PLA2G6: variants seen among roughly 807,000 people sequenced by gnomAD.
PLA2G6 encodes 85/88 kDa calcium-independent phospholipase A2.
PLA2G6 carries 62 observed loss-of-function variants against 83.8 expected under a neutral mutation model. The observed-to-expected ratio is 0.74, with a 90% CI of 0.60 to 0.91. The LOEUF is 0.91. PLA2G6 is among the 40% of genes least tolerant of loss of function. The pLI, the probability that PLA2G6 is intolerant of heterozygous loss-of-function variation, is 0.00. For missense variants in PLA2G6, 944 were observed against 1,102.0 expected (o/e 0.86, Z 2.03); for synonymous variants, 417 against 449.8 (o/e 0.93, Z 0.92).
chr22:38,123,063 C>T lies in PLA2G6; in HGVS notation c.1591+32G>A, dbSNP rs201314787. 22 of 1,542,922 alleles carry T rather than the reference C, an allele frequency of 1.4e-5. No homozygotes were observed. The highest frequency in any genetic ancestry group is 4.9e-5 in the East Asian group (2 of 40,906). ...CCCTTGAGGACACAGGTCTCAGCCC[C>T]GCCTGGCCCCATCCCCAGGGGCCGC... On this transcript the variant is annotated intron_variant, in intron 11 of 16. Coordinates refer to ENST00000332509, the MANE Select transcript of PLA2G6 (RefSeq NM_003560.4). The surrounding 1 kb of genome is among the most constrained non-coding windows in gnomAD (Gnocchi z 4.1).
At chr22:38,115,789 G>A in intron 13 of PLA2G6, 108 bp from the exon 14 acceptor site, 3 of 1,491,080 alleles carry the variant, frequency 2.0e-6, no homozygotes, top group East Asian at 2.5e-5. Context: ...GCGGGAAGAG[G>A]GGAGGCTGGG....
intron 2 of PLA2G6, among the ~76,000 whole-genome samples, chr22:38,164,246 C>T (rs1602251784): frequency 1.3e-5 from 2 of 152,282 alleles, no homozygotes; most frequent in South Asian, 2.1e-4. Context: ...TCAGCCCAGG[C>T]GGGTGGAGCT....
In PLA2G6 at chr22:38,114,266, C is replaced by T. The variant is rs150039195; in HGVS notation, c.2035-612G>A. Among the ~76,000 whole-genome samples the T allele has an allele frequency of 3.2e-3, 488 of 151,996 alleles. 3 individuals are homozygous for T. The highest frequency in any genetic ancestry group is 0.011 in the African/African-American group (455 of 41,458). Reference sequence around the variant, plus strand: ...CGCGATCTCGGCTCACTGCAAGCTCCGCCTCCTGGGTTCACACCATTCTCC... The same window carrying T: ...CGCGATCTCGGCTCACTGCAAGCTCTGCCTCCTGGGTTCACACCATTCTCC... On this transcript the variant is annotated intron_variant, in intron 14 of 16. Transcript: ENST00000332509.
rs2087676664 is a variant in PLA2G6, at chr22:38,123,904, C to T, written c.1428-646G>A. On this transcript the variant is annotated intron_variant, in intron 10 of 16. Transcript: ENST00000332509. The surrounding 1 kb of genome is among the most constrained non-coding windows in gnomAD (Gnocchi z 4.1). ...AGGCTGGAGTGCAATAACGCGATCT[C>T]GGCTCACCGCAACCTCTGCCTCCCG... Among the ~76,000 whole-genome samples, 2 of 152,120 alleles carry T rather than the reference C, an allele frequency of 1.3e-5. No individual in the cohort carries two copies. The highest frequency in any genetic ancestry group is 4.8e-5 in the African/African-American group (2 of 41,420).
chr22:38,123,143 C>A lies in PLA2G6; in HGVS notation c.1543G>T (p.Val515Leu). The A allele has an allele frequency of 1.3e-6, 2 of 1,550,338 alleles. No individual in the cohort carries two copies. Among genetic ancestry groups the A allele is most frequent in the Non-Finnish European group, 1.7e-6 (2 of 1,147,326 alleles). Residue 515 changes from valine to leucine, a missense_variant, in exon 11 of 17, where the codon GTG (valine) becomes TTG (leucine). By Grantham distance (32) the Val-to-Leu change is conservative. Transcript: ENST00000332509. This position sits in a 1 kb window ranked among gnomAD's most constrained non-coding sequence, Gnocchi z 4.1. ...GVATKDLFDWVAGTSTGGILA... is the reference protein window; with the variant it reads ...GVATKDLFDWLAGTSTGGILA... ...ATGCCTCCAGTGCTGGTGCCCGCCA[C>A]CCAGTCAAACAGGTCCTTGGTGGCC...
intron 2 of PLA2G6, among the ~76,000 whole-genome samples, chr22:38,165,749 G>A (rs1032313067): frequency 2.6e-5 from 4 of 151,992 alleles, no homozygotes; most frequent in East Asian, 1.9e-4. Flanking sequence ...GCGTGGTGGC[G>A]GGCGCCTGTA....
intron 7 of PLA2G6, chr22:38,130,788 G>A (rs576797591): frequency 6.6e-6 from 1 of 151,444 alleles, no homozygotes; most frequent in Non-Finnish European, 1.5e-5. Flanking sequence ...GAACACCTGA[G>A]GTCAGGAGTT....
At chr22:38,129,629 G>T in intron 7 of PLA2G6, 67 bp from the exon 8 acceptor site, 1 of 1,224,468 alleles carries the variant, frequency 8.2e-7, no homozygotes, top group Non-Finnish European at 1.2e-6. Context: ...GGGGCCCCTG[G>T]CTGCCAGCCC....
chr22:38,144,997 CCTT>C (rs2089161638), intron 3 of PLA2G6: 1 of 356,710 alleles, frequency 2.8e-6, no homozygotes, highest in Admixed American at 4.4e-5. Context: ...ATTACATTGT[CCTT>C]CTTACATTTT....
chr22:38,160,440 G>A (rs186384535), intron 2 of PLA2G6, among the ~76,000 whole-genome samples: 1,412 of 116,746 alleles, frequency 0.012, 26 homozygotes, highest in African/African-American at 0.044. Flanking sequence ...AGTAGAATGA[G>A]TAACTGTGAT....
intron 2 of PLA2G6, chr22:38,148,668 G>C (rs2145845127): frequency 1.5e-6 from 1 of 664,498 alleles, no homozygotes; most frequent in East Asian, 2.7e-5. Flanking sequence ...CTTTGGGTTA[G>C]GGTCCTAAAG....
chr22:38,116,236 C>T (rs1346811544), intron 12 of PLA2G6, 25 bp from the exon 13 acceptor site: 11 of 1,613,394 alleles, frequency 6.8e-6, no homozygotes, highest in African/African-American at 4.0e-5. Flanking sequence ...GGCAGGAGGA[C>T]GGCTGAGCCA....
At chr22:38,160,662 C>T (rs929791693) in intron 2 of PLA2G6, among the ~76,000 whole-genome samples, 3 of 152,074 alleles carry the variant, frequency 2.0e-5, no homozygotes, top group Non-Finnish European at 4.4e-5. Flanking sequence ...CTGGCTAACA[C>T]GGTGAAACCT....
chr22:38,147,191 T>C (rs190328432), intron 2 of PLA2G6: 2 of 152,484 alleles, frequency 1.3e-5, no homozygotes, highest in East Asian at 1.9e-4. Flanking sequence ...AACATGAGAC[T>C]AACTGTACCT....
In PLA2G6 at chr22:38,112,562, C is replaced by T. The variant is rs746013568; in HGVS notation, c.2218G>A (p.Gly740Arg). The T allele has an allele frequency of 1.9e-6, 3 of 1,552,226 alleles. No individual in the cohort carries two copies. The highest frequency in any genetic ancestry group is 2.6e-6 in the Non-Finnish European group (3 of 1,148,746). The change falls in exon 16 of 17, where the codon GGG becomes AGG. Residue 740 changes from glycine to arginine, a missense_variant. Gly to Arg is a moderately radical substitution (Grantham distance 125, BLOSUM62 -2). Transcript: ENST00000332509. ...GCCCGTGCCCGGTCCACAGCCCGCC[C>T]GTCTGGATCCGTGCACTGGTGAGAA... Reference protein sequence around the residue: ...MVVDCCTDPDGRAVDRARAWC... With the variant: ...MVVDCCTDPDRRAVDRARAWC...
Position 38,126,370 on chromosome 22 carries a change from C to T in PLA2G6, c.1427+1G>A, listed in dbSNP as rs750939090. On this transcript the variant is annotated splice_donor_variant, in intron 10 of 16. Coordinates refer to ENST00000332509, the MANE Select transcript of PLA2G6 (RefSeq NM_003560.4). LOFTEE classifies it high-confidence loss of function. ...TCTGCCCCCGATCTCGATCCACTTACGTCCGCTTCTCGTCCCTCATGGAGC... is the reference window on the plus strand; with the variant it reads ...TCTGCCCCCGATCTCGATCCACTTATGTCCGCTTCTCGTCCCTCATGGAGC... 9.9e-6 allele frequency: 16 copies of T among 1,611,276 alleles called. No individual in the cohort carries two copies. The East Asian group carries it at 1.3e-4, about 13-fold the overall frequency.
intron 2 of PLA2G6, among the ~76,000 whole-genome samples, chr22:38,159,746 AAGGAAGGAAGGAAGG>A (rs1185527869): frequency 6.6e-6 from 1 of 151,794 alleles, no homozygotes; most frequent in Non-Finnish European, 1.5e-5. Context: ...GGAAGGAAGG[AAGGAAGGAAGGAAGG>A]AGATCTTCAA....
chr22:38,145,410 G>A (rs1276138585), intron 3 of PLA2G6, 28 bp downstream of exon 3: 2 of 1,559,802 alleles, frequency 1.3e-6, no homozygotes, highest in Non-Finnish European at 1.7e-6. Flanking sequence ...CACACACGTT[G>A]TCCAAATGGT....
At chr22:38,143,725 A>G (rs1017673173) in intron 3 of PLA2G6, 4 of 312,968 alleles carry the variant, frequency 1.3e-5, no homozygotes, top group South Asian at 1.2e-4. Context: ...TGGAAACTAA[A>G]GTGCAGTGAG....
Sources: gnomAD v4.1 joint callset for allele counts (sites outside exome capture counted in the v4.1 genomes callset) on GRCh38, gnomAD v4.1.1 for gene constraint, Gnocchi (gnomAD v3.1) non-coding constraint, MANE v1.5 for transcripts, NCBI Gene and HGNC (gene_info 2026-07-23, HGNC 2026-07-21) for gene names.